Variants in PCMTD2 observed in about 807,000 individuals in gnomAD.
PCMTD2 encodes protein-L-isoaspartate O-methyltransferase domain-containing protein 2.
In PCMTD2, 16 loss-of-function variants were observed where a neutral mutation model predicts 33.4. The ratio of observed to expected loss-of-function variants is 0.48; its 90% CI spans 0.32 to 0.73. The LOEUF is 0.73. PCMTD2 is among the 30% of genes least tolerant of loss of function. PCMTD2 has a pLI of 0.03. For missense variants in PCMTD2, 374 were observed against 449.9 expected, an observed-to-expected ratio of 0.83 and a Z score of 1.53; for synonymous variants, 161 against 160.8, an observed-to-expected ratio of 1.00 and a Z score of -0.01.
intron 1 of PCMTD2, 59 bp downstream of exon 1, chr20:64,255,929 G>GTCCCC (rs1199781903): frequency 6.5e-6 from 1 of 153,172 alleles, no homozygotes; most frequent in Non-Finnish European, 1.5e-5. Flanking sequence ...CGGGTGGTGT[G>GTCCCC]TCCCCTCGGC....
intron 2 of PCMTD2, among the ~76,000 whole-genome samples, chr20:64,263,116 T>C (rs1985501571): frequency 6.6e-6 from 1 of 152,118 alleles, no homozygotes; most frequent in African/African-American, 2.4e-5. Flanking sequence ...AGGTGAGGGG[T>C]CAGTGAAAAT....
chr20:64,265,833 C>G (rs958371820), intron 4 of PCMTD2, among the ~76,000 whole-genome samples: 13 of 152,044 alleles, frequency 8.6e-5, no homozygotes, highest in Admixed American at 7.9e-4. Context: ...CATCATTAGT[C>G]TAATTGTTAC....
At chr20:64,269,315 AG>A (rs1985788316) in intron 5 of PCMTD2, among the ~76,000 whole-genome samples, 1 of 152,180 alleles carries the variant, frequency 6.6e-6, no homozygotes, top group African/African-American at 2.4e-5. Flanking sequence ...TTGGGAAGGC[AG>A]GGGCATCTTC....
rs1986010662 is a variant in PCMTD2, at chr20:64,273,792, A to G, written c.*192A>G. 5 of 452,976 alleles carry G rather than the reference A, an allele frequency of 1.1e-5. No individual in the cohort carries two copies. Among genetic ancestry groups the G allele is most frequent in the Admixed American group, 7.6e-5 (2 of 26,186 alleles). The allele number at this position is 452,976 out of a possible 1,614,324, so 28.1% of individuals were successfully genotyped here. A position where few individuals can be genotyped will look rare whatever the true frequency, so the allele number is the denominator to read the frequency against. On this transcript the variant is annotated 3_prime_UTR_variant, in exon 6 of 6. Coordinates refer to ENST00000308824, the MANE Select transcript of PCMTD2 (RefSeq NM_018257.3). ...TTCTATTCAGTTGTATGATTTGTTT[A>G]CATAGTTCCACAAGACCTTCATTGC...
At chr20:64,270,195 T>G (rs1601746919) in intron 5 of PCMTD2, among the ~76,000 whole-genome samples, 1 of 117,784 alleles carries the variant, frequency 8.5e-6, no homozygotes, top group Non-Finnish European at 1.8e-5. Context: ...CGGTGTGGGG[T>G]CGTGAGTGCG....
intron 1 of PCMTD2, chr20:64,256,466 A>ATT (rs1227673766): frequency 6.6e-6 from 1 of 152,166 alleles, no homozygotes; most frequent in Non-Finnish European, 1.5e-5. Flanking sequence ...TGCACCTCAA[A>ATT]TAAGTCACCT....
At chr20:64,266,441 A>G (rs1985661561) in intron 4 of PCMTD2, among the ~76,000 whole-genome samples, 1 of 152,132 alleles carries the variant, frequency 6.6e-6, no homozygotes, top group Admixed American at 6.5e-5. Flanking sequence ...TATTTTTAGT[A>G]GAGACAGGGT....
At chr20:64,270,768 A>G (rs1416706447) in intron 5 of PCMTD2, among the ~76,000 whole-genome samples, 4 of 143,442 alleles carry the variant, frequency 2.8e-5, no homozygotes, top group African/African-American at 8.2e-5. Flanking sequence ...TCGTTGTGAT[A>G]CGTACAATGG....
At chr20:64,270,512 C>T (rs1410539159) in intron 5 of PCMTD2, among the ~76,000 whole-genome samples, 3 of 136,598 alleles carry the variant, frequency 2.2e-5, no homozygotes, top group Admixed American at 7.3e-5. Context: ...TGAGTTCCGG[C>T]GTGCACGATG....
At chr20:64,265,489 A>G (rs1410595548) in intron 4 of PCMTD2, 60 bp downstream of exon 4, 1 of 1,295,532 alleles carries the variant, frequency 7.7e-7, no homozygotes, top group Non-Finnish European at 1.1e-6. Context: ...TGTTCTGGGC[A>G]GTGTACGGAT....
At chr20:64,259,302 T>C (rs1032899312) in intron 1 of PCMTD2, among the ~76,000 whole-genome samples, 2 of 152,146 alleles carry the variant, frequency 1.3e-5, no homozygotes, top group Admixed American at 1.3e-4. Flanking sequence ...ATTGCTTGAC[T>C]TGGGTGGGTA....
intron 1 of PCMTD2, chr20:64,256,879 C>T (rs1303575418): frequency 6.6e-6 from 1 of 152,224 alleles, no homozygotes; most frequent in Non-Finnish European, 1.5e-5. Flanking sequence ...TTGTTAGGCC[C>T]ATTAATAGTG....
At chr20:64,269,568 C>A (rs1184162514) in intron 5 of PCMTD2, among the ~76,000 whole-genome samples, 1 of 152,170 alleles carries the variant, frequency 6.6e-6, no homozygotes, top group Non-Finnish European at 1.5e-5. Context: ...CTAGTAAATT[C>A]ATGTTGGTAA....
intron 4 of PCMTD2, among the ~76,000 whole-genome samples, chr20:64,267,537 C>T (rs1375199961): frequency 6.6e-6 from 1 of 152,164 alleles, no homozygotes; most frequent in East Asian, 1.9e-4. Flanking sequence ...CCCTTTTCAC[C>T]CTCAATATTG....
intron 1 of PCMTD2, 140 bp from the exon 2 acceptor site, chr20:64,259,802 A>G (rs1196565841): frequency 1.8e-6 from 1 of 562,828 alleles, no homozygotes; most frequent in Non-Finnish European, 3.1e-6. Context: ...TGGGTGGGGC[A>G]GGGGATGAGG....
Position 64,264,448 on chromosome 20 carries a change from T to A in PCMTD2, c.327T>A (p.His109Gln). The A allele has an allele frequency of 1.3e-6, 2 of 1,591,864 alleles. No individual in the cohort carries two copies. Among genetic ancestry groups the A allele is most frequent in the Non-Finnish European group, 1.7e-6 (2 of 1,159,854 alleles). Residue 109 changes from histidine to glutamine, a missense_variant, in exon 3 of 6, where the codon CAT (histidine) becomes CAA (glutamine). Physicochemically the swap from His to Gln is conservative, Grantham distance 24. Transcript: ENST00000308824. Reference protein sequence around the residue: ...GLILGPFGVNHGVELHSDVIE... With the variant: ...GLILGPFGVNQGVELHSDVIE... ...TTTTAGGTCCTTTTGGTGTGAACCA[T>A]GGGGTGGAACTTCACTCAGATGTGA...
intron 1 of PCMTD2, chr20:64,256,713 AG>A (rs1415266375): frequency 1.3e-5 from 2 of 152,244 alleles, no homozygotes; most frequent in Non-Finnish European, 2.9e-5. Flanking sequence ...TGACCGATCC[AG>A]GGCCTTGCTC....
At chr20:64,260,517 G>A (rs1985366246) in intron 2 of PCMTD2, among the ~76,000 whole-genome samples, 1 of 152,128 alleles carries the variant, frequency 6.6e-6, no homozygotes, top group African/African-American at 2.4e-5. Flanking sequence ...TTCCTGTGCT[G>A]CCACAGCCTG....
intron 2 of PCMTD2, among the ~76,000 whole-genome samples, chr20:64,261,586 A>G (rs1203817882): frequency 7.3e-6 from 1 of 137,168 alleles, no homozygotes; most frequent in Non-Finnish European, 1.6e-5. Context: ...TTTTGTGGAT[A>G]TGGAATGATA....
Sources: allele counts gnomAD v4.1 joint callset (sites outside exome capture counted in the v4.1 genomes callset), GRCh38; gene constraint gnomAD v4.1.1; transcripts MANE v1.5; gene names NCBI Gene and HGNC (gene_info 2026-07-23, HGNC 2026-07-21).